The following PCCA variants were observed in gnomAD, a reference collection of about 807,000 sequenced individuals.
PCCA encodes propionyl-CoA carboxylase alpha chain, mitochondrial.
A neutral mutation model predicts 101.3 loss-of-function variants in PCCA; 74 were observed. That is an observed-to-expected ratio of 0.73 (90% CI 0.61 to 0.89). PCCA has a LOEUF of 0.89. Ranked by LOEUF, PCCA falls within the 40% of genes least tolerant of loss-of-function variation. PCCA has a pLI of 0.00. For missense variants in PCCA, 891 were observed against 907.0 expected, an observed-to-expected ratio of 0.98 and a Z score of 0.23; for synonymous variants, 294 against 313.6, an observed-to-expected ratio of 0.94 and a Z score of 0.66.
chr13:100,210,871 C>T (rs969780457), intron 7 of PCCA, among the ~76,000 whole-genome samples: 12 of 152,162 alleles, frequency 7.9e-5, no homozygotes, highest in Non-Finnish European at 1.3e-4. Context: ...GCTTCTTGCC[C>T]ATATTTACCT....
At chr13:100,482,378 C>G (rs749012755) in intron 21 of PCCA, among the ~76,000 whole-genome samples, 26 of 152,070 alleles carry the variant, frequency 1.7e-4, no homozygotes, top group Admixed American at 1.0e-3. Context: ...GAAGAGAGGA[C>G]AGTTGATGAG....
intron 19 of PCCA, among the ~76,000 whole-genome samples, chr13:100,420,956 C>T (rs1023712085): frequency 4.6e-5 from 7 of 152,124 alleles, no homozygotes; most frequent in African/African-American, 1.7e-4. Flanking sequence ...CCTGTAATCC[C>T]AGTACTTTGG....
chr13:100,423,880 C>G (rs949357158), intron 19 of PCCA, among the ~76,000 whole-genome samples: 1 of 152,226 alleles, frequency 6.6e-6, no homozygotes, highest in Non-Finnish European at 1.5e-5. Context: ...TAGACTCACA[C>G]GCAGTCTTCC....
intron 4 of PCCA, among the ~76,000 whole-genome samples, chr13:100,112,356 A>G (rs1486742086): frequency 5.9e-5 from 9 of 152,164 alleles, no homozygotes; most frequent in Admixed American, 5.2e-4. Flanking sequence ...GATTAATGAA[A>G]TGTTTACACA....
intron 6 of PCCA, among the ~76,000 whole-genome samples, chr13:100,201,265 C>T (rs776706613): frequency 9.2e-5 from 14 of 151,950 alleles, no homozygotes; most frequent in Non-Finnish European, 1.9e-4. Flanking sequence ...TTGTTGATAT[C>T]TCTTTTGTCA....
intron 19 of PCCA, among the ~76,000 whole-genome samples, chr13:100,369,830 G>A (rs534567892): frequency 3.6e-4 from 55 of 152,188 alleles, no homozygotes; most frequent in Non-Finnish European, 6.2e-4. Context: ...TTTAACCAGA[G>A]ATCAGGTTGA....
intron 6 of PCCA, among the ~76,000 whole-genome samples, chr13:100,174,727 CAA>C (rs35584409): frequency 2.8e-4 from 23 of 80,796 alleles, no homozygotes; most frequent in Admixed American, 2.7e-4. Context: ...GACCCCATCT[CAA>C]AAAAAAAAAA....
intron 21 of PCCA, among the ~76,000 whole-genome samples, chr13:100,484,603 G>A (rs1223076881): frequency 6.6e-6 from 1 of 152,086 alleles, no homozygotes; most frequent in Non-Finnish European, 1.5e-5. Flanking sequence ...TTTCCCCCCT[G>A]TAGATATATT....
chr13:100,097,029 C>T (rs1464518928), intron 1 of PCCA, among the ~76,000 whole-genome samples: 1 of 152,132 alleles, frequency 6.6e-6, no homozygotes, highest in Non-Finnish European at 1.5e-5. Context: ...TGATTGTTAG[C>T]ATTTTTGAGC....
intron 4 of PCCA, among the ~76,000 whole-genome samples, chr13:100,127,380 G>T (rs2050057838): frequency 6.6e-6 from 1 of 151,874 alleles, no homozygotes; most frequent in Admixed American, 6.6e-5. Flanking sequence ...TTTAAATTAA[G>T]AAAAAAGTGA....
chr13:100,382,640 A>G (rs1016285230), intron 19 of PCCA, among the ~76,000 whole-genome samples: 2 of 152,194 alleles, frequency 1.3e-5, no homozygotes, highest in Non-Finnish European at 2.9e-5. Flanking sequence ...ATGGTTATAT[A>G]TGATAACATT....
chr13:100,315,775 A>T (rs2067293264), intron 16 of PCCA, among the ~76,000 whole-genome samples: 1 of 151,848 alleles, frequency 6.6e-6, no homozygotes, highest in African/African-American at 2.4e-5. Flanking sequence ...GACCTGGTGA[A>T]CTCTGCCAGA....
intron 4 of PCCA, among the ~76,000 whole-genome samples, chr13:100,125,270 T>G (rs2049846137): frequency 6.6e-6 from 1 of 152,158 alleles, no homozygotes; most frequent in South Asian, 2.1e-4. Flanking sequence ...TTGGTCTTAA[T>G]TAGATCAGAA....
chr13:100,447,563 T>C (rs1222223003), intron 20 of PCCA, among the ~76,000 whole-genome samples: 2 of 151,536 alleles, frequency 1.3e-5, no homozygotes, highest in African/African-American at 4.9e-5. Context: ...TCCCAGCTAC[T>C]CAGGAAGCTG....
At chr13:100,472,872 TAAAA>T (rs112926036) in intron 21 of PCCA, among the ~76,000 whole-genome samples, 1 of 143,242 alleles carries the variant, frequency 7.0e-6, no homozygotes, top group Non-Finnish European at 1.5e-5. Flanking sequence ...TATCATAAGA[TAAAA>T]AAAAAAAAAA....
chr13:100,529,978 C>T (rs550253342), intron 23 of PCCA, 120 bp from the exon 24 acceptor site: 271 of 796,250 alleles, frequency 3.4e-4, no homozygotes, highest in Non-Finnish European at 5.3e-4. Flanking sequence ...GGTGGCTTGT[C>T]CCTGTGCTGC....
intron 18 of PCCA, among the ~76,000 whole-genome samples, chr13:100,348,024 A>C (rs1269356622): frequency 1.3e-5 from 2 of 152,228 alleles, no homozygotes; most frequent in Non-Finnish European, 2.9e-5. Context: ...CACCTACATC[A>C]TGAAAGCTGA....
At chr13:100,416,972 TAGCTGGG>T (rs539357320) in intron 19 of PCCA, among the ~76,000 whole-genome samples, 10 of 151,970 alleles carry the variant, frequency 6.6e-5, no homozygotes, top group Non-Finnish European at 1.2e-4. Context: ...GCCTCCCGAG[TAGCTGGG>T]ATTACAGGCA....
chr13:100,158,915 C>T (rs2054147846), intron 6 of PCCA, among the ~76,000 whole-genome samples: 1 of 151,674 alleles, frequency 6.6e-6, no homozygotes, highest in African/African-American at 2.4e-5. Flanking sequence ...AGTTTGGGAA[C>T]TCCTGCTATA....
Sources: allele counts gnomAD v4.1 joint callset (sites outside exome capture counted in the v4.1 genomes callset), GRCh38; gene constraint gnomAD v4.1.1; transcripts MANE v1.5; gene names NCBI Gene and HGNC (gene_info 2026-07-23, HGNC 2026-07-21).